Variants in UGT2B10 observed in about 807,000 individuals in gnomAD.
The protein encoded by UGT2B10 is UDP-glucuronosyltransferase 2B10.
In UGT2B10, 51 loss-of-function variants were observed where a neutral mutation model predicts 43.7. That is an observed-to-expected ratio of 1.17 (90% CI 0.93 to 1.47). The LOEUF is 1.47. Ranked by LOEUF, UGT2B10 falls within the 40% of genes most tolerant of loss-of-function variation. UGT2B10 has a pLI of 0.00. For synonymous variants in UGT2B10, 225 were observed against 209.0 expected (o/e 1.08, Z -0.66); for missense variants, 696 against 617.7 (o/e 1.13, Z -1.34).
At chr4:68,826,043 G>A (rs2109698851) in intron 3 of UGT2B10, among the ~76,000 whole-genome samples, 1 of 152,096 alleles carries the variant, frequency 6.6e-6, no homozygotes, top group South Asian at 2.1e-4. Context: ...TGACTGGTGT[G>A]CGATGTTATC....
At position 68,831,872 on chromosome 4, in the gene UGT2B10, C is replaced by A. The variant is rs1738114991; in HGVS notation, c.*993C>A. Reference sequence around the variant, plus strand: ...CAACTGCAAAGTTCACCTTACCTGACTAAGGATTATTCATTAAGTTTTACT... The same window carrying A: ...CAACTGCAAAGTTCACCTTACCTGAATAAGGATTATTCATTAAGTTTTACT... On this transcript the variant is annotated 3_prime_UTR_variant, in exon 6 of 6. Transcript: ENST00000265403. Among the ~76,000 whole-genome samples, 1 of 152,042 alleles carries A rather than the reference C, an allele frequency of 6.6e-6. No homozygotes were observed. The highest frequency in any genetic ancestry group is 1.5e-5 in the Non-Finnish European group (1 of 67,988).
intron 3 of UGT2B10, among the ~76,000 whole-genome samples, chr4:68,826,114 A>T (rs114215125): frequency 0.02 from 3,074 of 151,980 alleles, 117 homozygotes; most frequent in African/African-American, 0.07. Context: ...TTTTTCTTCG[A>T]TGGTTAGCCG....
At position 68,822,251 on chromosome 4, in the gene UGT2B10, AT is replaced by A; in HGVS notation, c.868-14del. 6.2e-7 allele frequency: 1 copy of A among 1,608,388 alleles called. No individual in the cohort carries two copies. The highest frequency in any genetic ancestry group is 2.2e-5 in the East Asian group (1 of 44,772). On this transcript the variant is annotated intron_variant, in intron 2 of 5. Coordinates refer to ENST00000265403, the MANE Select transcript of UGT2B10 (RefSeq NM_001075.6). ...TGGTGATACTCTTTTATGATGAAAC[AT>A]TTTTTCTTTTTCCCACAGGAAATGG...
At chr4:68,822,452 A>G (rs781063381) in intron 3 of UGT2B10, 50 bp downstream of exon 3, 7 of 1,608,176 alleles carry the variant, frequency 4.4e-6, no homozygotes, top group Non-Finnish European at 4.2e-6. Context: ...AGAGGCTGTT[A>G]AAGTTTGTGA....
chr4:68,818,731 T>C (rs1331784509), intron 2 of UGT2B10, among the ~76,000 whole-genome samples: 7 of 151,562 alleles, frequency 4.6e-5, no homozygotes, highest in African/African-American at 1.7e-4. Flanking sequence ...AAAAGAATGG[T>C]GGGGAGAGAC....
intron 3 of UGT2B10, among the ~76,000 whole-genome samples, chr4:68,825,277 C>T (rs1412696918): frequency 6.6e-6 from 1 of 150,764 alleles, no homozygotes; most frequent in East Asian, 1.9e-4. Flanking sequence ...TACAATGACT[C>T]CCTATAATTT....
chr4:68,824,600 G>T (rs1274836036), intron 3 of UGT2B10, among the ~76,000 whole-genome samples: 2 of 152,142 alleles, frequency 1.3e-5, no homozygotes, highest in African/African-American at 4.8e-5. Context: ...AAGCTTTCTT[G>T]TAATGGCCTC....
intron 3 of UGT2B10, among the ~76,000 whole-genome samples, chr4:68,823,834 T>C (rs1737636886): frequency 1.3e-5 from 2 of 152,142 alleles, no homozygotes; most frequent in African/African-American, 4.8e-5. Context: ...TTTTCATTGA[T>C]AATAAGTTTG....
intron 3 of UGT2B10, 28 bp downstream of exon 3, chr4:68,822,430 A>G (rs1165871773): frequency 6.2e-7 from 1 of 1,610,600 alleles, no homozygotes; most frequent in Non-Finnish European, 8.5e-7. Context: ...ACTGGTGTGG[A>G]AAACTACTGA....
intron 2 of UGT2B10, among the ~76,000 whole-genome samples, chr4:68,821,587 A>G (rs1737499001): frequency 6.6e-6 from 1 of 152,184 alleles, no homozygotes; most frequent in Non-Finnish European, 1.5e-5. Flanking sequence ...TGAGACTCTA[A>G]GGACTGATTC....
rs1738045416 is a variant in UGT2B10, at chr4:68,830,707, C to T, written c.1415C>T (p.Ala472Val). 2 of 1,613,248 alleles carry T rather than the reference C, an allele frequency of 1.2e-6. No homozygotes were observed. Among genetic ancestry groups the T allele is most frequent in the Non-Finnish European group, 1.7e-6 (2 of 1,179,520 alleles). Residue 472 changes from alanine (A) to valine (V), a missense_variant, in exon 6 of 6, where the codon GCC (alanine) becomes GTC (valine). By Grantham distance (64) the Ala-to-Val change is moderately conservative. Transcript: ENST00000265403. The stretch of plus-strand genomic sequence containing the variant: ...GAATTTGTCATGCGCCACAAAGGAG[C>T]CAAACATCTTCGAGTTGCAGCCCAC... ...WIEFVMRHKG[A>V]KHLRVAAHNL...
At chr4:68,818,318 A>C in intron 2 of UGT2B10, 141 bp downstream of exon 2, 6 of 1,444,060 alleles carry the variant, frequency 4.2e-6, no homozygotes, top group Non-Finnish European at 5.6e-6. Flanking sequence ...TTAGAAACTC[A>C]TGTACATGTT....
Position 68,830,802 on chromosome 4 carries a change from C to T in UGT2B10, c.1510C>T (p.Leu504=), listed in dbSNP as rs533555258. The change falls in exon 6 of 6, where the codon CTA becomes TTA. Residue 504 remains leucine (L), a synonymous_variant. Transcript: ENST00000265403. ...GFLLACVATV[L]FIITKCCLFC... is the part of the protein sequence containing the mutation. ...CCTGCTGGCTTGTGTGGCAACCGTG[C>T]TATTTATCATCACAAAGTGTTGTCT... 2 of 1,613,140 alleles carry T rather than the reference C, an allele frequency of 1.2e-6. No homozygotes were observed. The highest frequency in any genetic ancestry group is 8.5e-7 in the Non-Finnish European group (1 of 1,179,472).
At chr4:68,826,044 C>T (rs946935495) in intron 3 of UGT2B10, among the ~76,000 whole-genome samples, 5 of 151,932 alleles carry the variant, frequency 3.3e-5, no homozygotes, top group African/African-American at 1.2e-4. Context: ...GACTGGTGTG[C>T]GATGTTATCT....
intron 5 of UGT2B10, among the ~76,000 whole-genome samples, chr4:68,830,188 C>T (rs988454465): frequency 4.6e-5 from 7 of 151,808 alleles, no homozygotes; most frequent in Admixed American, 6.6e-5. Context: ...GTTCATAATA[C>T]AAAGGATAAA....
In UGT2B10 at chr4:68,822,514, C is replaced by A. The variant is rs1019583429; in HGVS notation, c.999+112C>A. On this transcript the variant is annotated intron_variant, in intron 3 of 5. Transcript: ENST00000265403. ...AGACTGAACTATTTATAGCTGAATA[C>A]AACCTTAAATATGCTTGTATAGCAT... 6.3e-6 allele frequency: 10 copies of A among 1,582,566 alleles called. No homozygotes were observed. The African/African-American group carries it at 1.2e-4, about 20-fold the overall frequency.
chr4:68,829,140 G>A (rs780943097), intron 5 of UGT2B10, among the ~76,000 whole-genome samples: 16 of 151,928 alleles, frequency 1.1e-4, no homozygotes, highest in Non-Finnish European at 1.9e-4. Flanking sequence ...AACATAAAAT[G>A]AAGACATAGT....
Position 68,830,624 on chromosome 4 carries a change from A to T in UGT2B10, c.1332A>T (p.Leu444Phe), listed in dbSNP as rs1578276564. Residue 444 changes from leucine (L) to phenylalanine (F), a missense_variant, in exon 6 of 6, where the codon TTA (leucine) becomes TTT (phenylalanine). Leu to Phe is a conservative substitution (Grantham distance 22, BLOSUM62 0). Coordinates refer to ENST00000265403, the MANE Select transcript of UGT2B10 (RefSeq NM_001075.6). ...GATATAAAGAGAATATTATGAAATT[A>T]TCAAGAATTCAACATGATCAACCAG... is the stretch of plus-strand genomic sequence containing the variant. ...DPSYKENIMK[L>F]SRIQHDQPVK... 5.0e-6 allele frequency: 8 copies of T among 1,612,458 alleles called. No homozygotes were observed. The highest frequency in any genetic ancestry group is 5.9e-6 in the Non-Finnish European group (7 of 1,179,234).
chr4:68,830,285 C>T (rs368068029), intron 5 of UGT2B10, among the ~76,000 whole-genome samples: 2 of 151,006 alleles, frequency 1.3e-5, no homozygotes, highest in East Asian at 2.0e-4. Context: ...AACATATGCA[C>T]TTAATATGGA....
Sources: gnomAD v4.1 joint callset for allele counts (sites outside exome capture counted in the v4.1 genomes callset) on GRCh38, gnomAD v4.1.1 for gene constraint, MANE v1.5 for transcripts, NCBI Gene and HGNC (gene_info 2026-07-23, HGNC 2026-07-21) for gene names.